DPP4: variants seen among roughly 807,000 people sequenced by gnomAD.
The protein encoded by DPP4 is dipeptidyl peptidase 4, also known as ADCP-2.
A neutral mutation model predicts 122.4 loss-of-function variants in DPP4; 93 were observed. The ratio of observed to expected loss-of-function variants is 0.76; its 90% CI spans 0.64 to 0.90. The LOEUF is 0.90. Ranked by LOEUF, DPP4 falls within the 40% of genes least tolerant of loss-of-function variation. The probability of loss-of-function intolerance (pLI) is 0.00; values close to 1 mark genes in which losing one functional copy is unlikely to be tolerated. For missense variants in DPP4, 914 were observed against 907.3 expected (o/e 1.01, Z -0.09); for synonymous variants, 321 against 302.9 (o/e 1.06, Z -0.62).
intron 23 of DPP4, among the ~76,000 whole-genome samples, chr2:162,004,209 T>C (rs1701223499): frequency 6.6e-6 from 1 of 152,134 alleles, no homozygotes; most frequent in African/African-American, 2.4e-5. Flanking sequence ...GAACATGTTG[T>C]GGGTGGGAGT....
chr2:162,011,915 T>A lies in DPP4; in HGVS notation c.1710A>T (p.Thr570=). 6.2e-7 allele frequency: 1 copy of A among 1,613,868 alleles called. No individual in the cohort carries two copies. Among genetic ancestry groups the A allele is most frequent in the Non-Finnish European group, 8.5e-7 (1 of 1,179,772 alleles). Reference sequence around the variant, plus strand: ...CAAAGCTAGCTACTATAATGTTTTCTGTGCTTGCAAGGTAAGTGGCCCAGT... The same window carrying A: ...CAAAGCTAGCTACTATAATGTTTTCAGTGCTTGCAAGGTAAGTGGCCCAGT... ...RLNWATYLAS[T]ENIIVASFDG... Residue 570 remains threonine, a synonymous_variant, in exon 20 of 26, where the codon ACA becomes ACT. Coordinates refer to ENST00000360534, the MANE Select transcript of DPP4 (RefSeq NM_001935.4).
In DPP4 at chr2:162,011,985, T is replaced by G. The variant is rs1459795511; in HGVS notation, c.1640A>C (p.Tyr547Ser). ...TGCTTTTTGACTACATGGGCCTGCA[T>G]ACCTATGAAAAATACCAAATTGTTA... ...SKKYPLLLDV[Y>S]AGPCSQKADT... Residue 547 changes from tyrosine to serine, a missense_variant and splice_region_variant, in exon 20 of 26, where the codon TAT (tyrosine) becomes TCT (serine). Coordinates refer to ENST00000360534, the MANE Select transcript of DPP4 (RefSeq NM_001935.4). The G allele has an allele frequency of 1.9e-6, 3 of 1,610,914 alleles. No homozygotes were observed. The highest frequency in any genetic ancestry group is 3.3e-4 in the Middle Eastern group (2 of 6,046).
intron 10 of DPP4, among the ~76,000 whole-genome samples, chr2:162,028,461 A>C (rs916705785): frequency 6.6e-6 from 1 of 152,222 alleles, no homozygotes; most frequent in Non-Finnish European, 1.5e-5. Flanking sequence ...ATTATCATCT[A>C]TGCTTTGCAT....
chr2:162,068,341 A>G (rs987660097), intron 2 of DPP4, among the ~76,000 whole-genome samples: 1 of 152,260 alleles, frequency 6.6e-6, no homozygotes, highest in Non-Finnish European at 1.5e-5. Flanking sequence ...AGCTGACAGA[A>G]TGATATGGAG....
At chr2:162,014,280 A>G in intron 19 of DPP4, 116 bp downstream of exon 19, 1 of 804,386 alleles carries the variant, frequency 1.2e-6, no homozygotes, top group Non-Finnish European at 2.0e-6. Context: ...GAAATAGTAA[A>G]CAGTGATCCA....
intron 5 of DPP4, among the ~76,000 whole-genome samples, chr2:162,042,656 A>G (rs960798529): frequency 6.6e-6 from 1 of 152,176 alleles, no homozygotes; most frequent in Non-Finnish European, 1.5e-5. Context: ...AGTAGAAGAT[A>G]TAGATCCTTA....
chr2:162,061,097 G>T (rs185665187), intron 2 of DPP4, among the ~76,000 whole-genome samples: 22 of 149,412 alleles, frequency 1.5e-4, no homozygotes, highest in Admixed American at 1.3e-3. Flanking sequence ...GAGTGCAATG[G>T]CACTATCATG....
In DPP4 at chr2:162,009,288, A is replaced by G. The variant is rs748191251; in HGVS notation, c.1840T>C (p.Ser614Pro). The G allele has an allele frequency of 2.5e-6, 4 of 1,613,620 alleles. No individual in the cohort carries two copies. In the African/African-American group the frequency reaches 4.0e-5, roughly 16 times the overall value. The change falls in exon 21 of 26, where the codon TCA (serine) becomes CCA (proline). Residue 614 changes from serine (S) to proline (P), a missense_variant. Transcript: ENST00000360534. The stretch of plus-strand genomic sequence containing the variant: ...TTGTTGTCCACAAATCCCATTTTTG[A>G]AAATTGTCTAAAACACAAGGAAAAA... ...EDQIEAARQF[S>P]KMGFVDNKRI...
At chr2:162,052,027 G>A (rs961783374) in intron 2 of DPP4, among the ~76,000 whole-genome samples, 3 of 152,018 alleles carry the variant, frequency 2.0e-5, no homozygotes, top group Admixed American at 1.3e-4. Flanking sequence ...TTCATAAAAG[G>A]GCTGGAGGGA....
At chr2:162,039,730 C>T (rs1473521770) in intron 5 of DPP4, among the ~76,000 whole-genome samples, 2 of 151,978 alleles carry the variant, frequency 1.3e-5, no homozygotes, top group African/African-American at 4.8e-5. Context: ...GTCAAATTTT[C>T]AGTGACTGCA....
intron 10 of DPP4, among the ~76,000 whole-genome samples, chr2:162,031,624 C>A (rs1468869496): frequency 6.6e-6 from 1 of 152,086 alleles, no homozygotes; most frequent in Non-Finnish European, 1.5e-5. Context: ...CTCACTGCAC[C>A]CTGCTGGAAG....
intron 18 of DPP4, among the ~76,000 whole-genome samples, chr2:162,015,420 T>A (rs776192137): frequency 3.9e-5 from 6 of 152,226 alleles, no homozygotes; most frequent in Admixed American, 1.3e-4. Context: ...AATTTAAGTC[T>A]CTATTATAAT....
intron 23 of DPP4, among the ~76,000 whole-genome samples, chr2:161,998,519 T>C (rs956836877): frequency 6.6e-6 from 1 of 152,180 alleles, no homozygotes; most frequent in African/African-American, 2.4e-5. Context: ...GGGCCTGCCT[T>C]GCTTGGCAGC....
chr2:162,043,348 T>C (rs1684056456), intron 5 of DPP4, among the ~76,000 whole-genome samples: 1 of 152,048 alleles, frequency 6.6e-6, no homozygotes, highest in Non-Finnish European at 1.5e-5. Flanking sequence ...ATTTTGAGTG[T>C]GATGGGAAGG....
At chr2:162,026,245 A>G (rs181215938) in intron 10 of DPP4, among the ~76,000 whole-genome samples, 1 of 152,156 alleles carries the variant, frequency 6.6e-6, no homozygotes, top group Admixed American at 6.5e-5. Flanking sequence ...CATCATCCCC[A>G]TTTTACAGCT....
chr2:161,998,513 C>T (rs1215272387), intron 23 of DPP4, among the ~76,000 whole-genome samples: 1 of 152,184 alleles, frequency 6.6e-6, no homozygotes, highest in Non-Finnish European at 1.5e-5. Flanking sequence ...CCTCATGGGC[C>T]TGCCTTGCTT....
intron 2 of DPP4, among the ~76,000 whole-genome samples, chr2:162,066,993 A>G (rs1472081045): frequency 6.6e-6 from 1 of 152,294 alleles, no homozygotes; most frequent in Non-Finnish European, 1.5e-5. Flanking sequence ...TGGAGGGGAC[A>G]AATACGCAAT....
intron 10 of DPP4, among the ~76,000 whole-genome samples, chr2:162,031,853 C>T (rs1576051943): frequency 6.6e-6 from 1 of 152,096 alleles, no homozygotes; most frequent in African/African-American, 2.4e-5. Flanking sequence ...ACAGAGGCTG[C>T]CCATCAATGA....
intron 2 of DPP4, among the ~76,000 whole-genome samples, chr2:162,051,321 G>A (rs539103692): frequency 3.3e-5 from 5 of 152,240 alleles, no homozygotes; most frequent in South Asian, 2.1e-4. Flanking sequence ...ATAGTTCCAC[G>A]GGATATCCTT....
Sources: gnomAD v4.1 joint callset for allele counts (sites outside exome capture counted in the v4.1 genomes callset) on GRCh38, gnomAD v4.1.1 for gene constraint, MANE v1.5 for transcripts, NCBI Gene and HGNC (gene_info 2026-07-23, HGNC 2026-07-21) for gene names.